RASSF9: variants seen among roughly 807,000 people sequenced by gnomAD.
The protein encoded by RASSF9 is Ras association domain family member 9, also known as ras association domain-containing protein 9.
RASSF9 carries 18 observed loss-of-function variants against 21.4 expected under a neutral mutation model. That is an observed-to-expected ratio of 0.84 (90% CI 0.58 to 1.25). RASSF9 has a LOEUF of 1.25. Ranked by LOEUF, RASSF9 falls within the 50% of genes most tolerant of loss-of-function variation. The pLI is 0.00. For synonymous variants in RASSF9, 183 were observed against 179.1 expected (o/e 1.02, Z -0.18); for missense variants, 480 against 503.2 (o/e 0.95, Z 0.44).
chr12:85,825,631 G>T (rs957128217), intron 1 of RASSF9, among the ~76,000 whole-genome samples: 3 of 152,064 alleles, frequency 2.0e-5, no homozygotes, highest in Non-Finnish European at 4.4e-5. Context: ...TACACAAAAA[G>T]TTTGACAACT....
rs1879682216 is a variant in RASSF9, at chr12:85,800,747, T to C, written c.*3955A>G. The stretch of plus-strand genomic sequence containing the variant: ...TTATTATTTTGGATCAGTTACAACA[T>C]GATAAAATGATATATACTTAATATT... On this transcript the variant is annotated 3_prime_UTR_variant, in exon 2 of 2. Transcript: ENST00000361228. The C allele has an allele frequency of 6.6e-6, 1 of 151,846 alleles. No individual in the cohort carries two copies. The highest frequency in any genetic ancestry group is 6.6e-5 in the Admixed American group (1 of 15,244). The allele number at this position is 151,846 out of a possible 1,614,324, so 9.4% of individuals were successfully genotyped here. A position where few individuals can be genotyped will look rare whatever the true frequency, so the allele number is the denominator to read the frequency against.
intron 1 of RASSF9, among the ~76,000 whole-genome samples, chr12:85,827,212 T>G (rs1880353000): frequency 6.6e-6 from 1 of 152,174 alleles, no homozygotes; most frequent in Admixed American, 6.5e-5. Flanking sequence ...CCCAACATCT[T>G]CTGTTTGACA....
chr12:85,806,498 C>A (rs757278375), intron 1 of RASSF9, among the ~76,000 whole-genome samples: 21 of 150,086 alleles, frequency 1.4e-4, no homozygotes, highest in Non-Finnish European at 2.8e-4. Flanking sequence ...CATGGATAAA[C>A]CCCGTCTCTA....
At chr12:85,812,108 T>C (rs1879967163) in intron 1 of RASSF9, among the ~76,000 whole-genome samples, 1 of 151,700 alleles carries the variant, frequency 6.6e-6, no homozygotes, top group Non-Finnish European at 1.5e-5. Flanking sequence ...CAATTATCTT[T>C]TTAGTTATTG....
At chr12:85,823,960 G>C (rs1304835857) in intron 1 of RASSF9, among the ~76,000 whole-genome samples, 1 of 152,160 alleles carries the variant, frequency 6.6e-6, no homozygotes, top group East Asian at 1.9e-4. Flanking sequence ...CATCCCCTAG[G>C]TTTTCGACTG....
chr12:85,825,799 C>G (rs1182747657), intron 1 of RASSF9, among the ~76,000 whole-genome samples: 6 of 151,964 alleles, frequency 3.9e-5, no homozygotes, highest in Non-Finnish European at 8.8e-5. Context: ...CACACACACA[C>G]ACACACACAC....
In RASSF9 at chr12:85,805,644, T is replaced by A; in HGVS notation, c.366A>T (p.Pro122=). 1 of 1,614,022 alleles carries A rather than the reference T, an allele frequency of 6.2e-7. No homozygotes were observed. The part of the protein sequence containing the change: ...FVLVKADAFL[P]VPLWRTAEAK... Reference sequence around the variant, plus strand: ...CTTCAGCTGTCCGCCACAAAGGAACTGGAAGAAAAGCATCTGCTTTAACCA... The same window carrying A: ...CTTCAGCTGTCCGCCACAAAGGAACAGGAAGAAAAGCATCTGCTTTAACCA... The change falls in exon 2 of 2, where the codon CCA becomes CCT. Residue 122 remains proline, a synonymous_variant. Coordinates refer to ENST00000361228, the MANE Select transcript of RASSF9 (RefSeq NM_005447.4).
rs563285024 is a variant in RASSF9 at position 85,808,694 on chromosome 12, A to C, written c.48-2732T>G. ...TGTGCATGCAATATCCAAAATTAGT[A>C]TAACATTTTTTGTACCACATAGAGT... On this transcript the variant is annotated intron_variant, in intron 1 of 1. Coordinates refer to ENST00000361228, the MANE Select transcript of RASSF9 (RefSeq NM_005447.4). Among the ~76,000 whole-genome samples the C allele has an allele frequency of 3.3e-5, 5 of 151,524 alleles. No homozygotes were observed. The South Asian group carries it at 6.2e-4, about 19-fold the overall frequency.
chr12:85,804,195 C>T lies in RASSF9; in HGVS notation c.*507G>A, dbSNP rs73176558. The T allele has an allele frequency of 0.13, 19,274 of 153,020 alleles. 1,390 individuals are homozygous for T. The highest frequency in any genetic ancestry group is 0.16 in the Non-Finnish European group (11,252 of 68,680). The allele number at this position is 153,020 out of a possible 1,614,324, so 9.5% of individuals were successfully genotyped here. A position where few individuals can be genotyped will look rare whatever the true frequency, so the allele number is the denominator to read the frequency against. The stretch of plus-strand genomic sequence containing the variant: ...GGTTCAGGAAGTGATATACATGATA[C>T]GTTGTATTATCAAGGATCAATTAAA... On this transcript the variant is annotated 3_prime_UTR_variant, in exon 2 of 2. Transcript: ENST00000361228.
At chr12:85,815,106 G>A (rs768825173) in intron 1 of RASSF9, among the ~76,000 whole-genome samples, 1 of 151,696 alleles carries the variant, frequency 6.6e-6, no homozygotes, top group Non-Finnish European at 1.5e-5. Context: ...AGGTGGCCAA[G>A]AAATTATTTG....
At position 85,805,423 on chromosome 12, in the gene RASSF9, G is replaced by C. The variant is rs769769004; in HGVS notation, c.587C>G (p.Thr196Ser). 2.0e-5 allele frequency: 32 copies of C among 1,613,776 alleles called. No individual in the cohort carries two copies. In the East Asian group the frequency reaches 7.1e-4, roughly 36 times the overall value. ...LVHLIISQDH[T>S]IHQQVKRMKE... ...CATTCTCTTGACTTGCTGATGAATAGTATGGTCCTGGGAAATGATCAGATG... is the reference window on the plus strand; with the variant it reads ...CATTCTCTTGACTTGCTGATGAATACTATGGTCCTGGGAAATGATCAGATG... The change falls in exon 2 of 2, where the codon ACT (threonine) becomes AGT (serine). Residue 196 changes from threonine (T) to serine (S), a missense_variant. Thr to Ser is a moderately conservative substitution (Grantham distance 58). Coordinates refer to ENST00000361228, the MANE Select transcript of RASSF9 (RefSeq NM_005447.4).
chr12:85,802,257 C>T lies in RASSF9; in HGVS notation c.*2445G>A, dbSNP rs956910533. On this transcript the variant is annotated 3_prime_UTR_variant, in exon 2 of 2. Transcript: ENST00000361228. ...TCTATACTTATAATTCCAATTCTCA[C>T]TTAATTTAATAACAAATAGTTCAGT... is the stretch of plus-strand genomic sequence containing the variant. 1 of 152,158 alleles carries T rather than the reference C, an allele frequency of 6.6e-6. No homozygotes were observed. The highest frequency in any genetic ancestry group is 1.5e-5 in the Non-Finnish European group (1 of 68,022). The allele number at this position is 152,158 out of a possible 1,614,324, so 9.4% of individuals were successfully genotyped here. A position where few individuals can be genotyped will look rare whatever the true frequency, so the allele number is the denominator to read the frequency against.
Position 85,813,244 on chromosome 12 carries a change from A to C in RASSF9, c.48-7282T>G, listed in dbSNP as rs1038018504. On this transcript the variant is annotated intron_variant, in intron 1 of 1. Coordinates refer to ENST00000361228, the MANE Select transcript of RASSF9 (RefSeq NM_005447.4). ...ATATTCATTCTGAAATATTAGTGAA[A>C]AATTGAATATGAAACTTTTTACATT... Among the ~76,000 whole-genome samples the C allele has an allele frequency of 3.3e-5, 5 of 152,004 alleles. No individual in the cohort carries two copies. The South Asian group carries it at 1.0e-3, about 32-fold the overall frequency.
rs1378397352 is a variant in RASSF9, at chr12:85,801,938, A to T, written c.*2764T>A. ...ACCTCTAAAATATTTCTGGGTTCAG[A>T]GATGAGATTCCAACTAATTGAATGG... On this transcript the variant is annotated 3_prime_UTR_variant, in exon 2 of 2. Transcript: ENST00000361228. 2 of 152,278 alleles carry T rather than the reference A, an allele frequency of 1.3e-5. No individual in the cohort carries two copies. The highest frequency in any genetic ancestry group is 4.8e-5 in the African/African-American group (2 of 41,474). 9.4% of individuals were successfully genotyped at this position (152,278 alleles called of 1,614,324 possible).
At chr12:85,834,862 C>T (rs1172269430) in intron 1 of RASSF9, among the ~76,000 whole-genome samples, 1 of 152,044 alleles carries the variant, frequency 6.6e-6, no homozygotes, top group Non-Finnish European at 1.5e-5. Context: ...CATCAAAACA[C>T]AAATTTTAAA....
Position 85,805,590 on chromosome 12 carries a change from C to T in RASSF9, c.420G>A (p.Leu140=), listed in dbSNP as rs750514652. The change falls in exon 2 of 2, where the codon TTG becomes TTA. Residue 140 remains leucine, a synonymous_variant. Transcript: ENST00000361228. Reference sequence around the variant, plus strand: ...TGTAGTTTGCTGGGCTGAGCTCCCACAATTTTTCTGTGTTTTGCACTAATT... The same window carrying T: ...TGTAGTTTGCTGGGCTGAGCTCCCATAATTTTTCTGTGTTTTGCACTAATT... ...EAKLVQNTEK[L]WELSPANYMK... 1 of 1,613,930 alleles carries T rather than the reference C, an allele frequency of 6.2e-7. No individual in the cohort carries two copies. The highest frequency in any genetic ancestry group is 8.5e-7 in the Non-Finnish European group (1 of 1,179,888).
chr12:85,805,535 T>C lies in RASSF9; in HGVS notation c.475A>G (p.Arg159Gly), dbSNP rs1476964111. 1 of 1,613,840 alleles carries C rather than the reference T, an allele frequency of 6.2e-7. No homozygotes were observed. Among genetic ancestry groups the C allele is most frequent in the African/African-American group, 1.3e-5 (1 of 74,936 alleles). The change falls in exon 2 of 2, where the codon AGA becomes GGA. Residue 159 changes from arginine (R) to glycine (G), a missense_variant. Arg to Gly is a moderately radical substitution (Grantham distance 125). Coordinates refer to ENST00000361228, the MANE Select transcript of RASSF9 (RefSeq NM_005447.4). Reference sequence around the variant, plus strand: ...TTCCGGAAAGTTTTCCTGACTATTCTTTTTTGTTTATCTGGTGGTAAAGTC... The same window carrying C: ...TTCCGGAAAGTTTTCCTGACTATTCCTTTTTGTTTATCTGGTGGTAAAGTC... ...MKTLPPDKQK[R>G]IVRKTFRKLA...
intron 1 of RASSF9, among the ~76,000 whole-genome samples, chr12:85,819,608 C>G (rs1315611198): frequency 1.3e-5 from 2 of 152,100 alleles, no homozygotes; most frequent in Non-Finnish European, 2.9e-5. Context: ...TGAATAAGTA[C>G]AGACAGATCA....
In RASSF9 at chr12:85,825,938, T is replaced by C. The variant is rs1880323862; in HGVS notation, c.47+10217A>G. On this transcript the variant is annotated intron_variant, in intron 1 of 1. Coordinates refer to ENST00000361228, the MANE Select transcript of RASSF9 (RefSeq NM_005447.4). ...CTGACTGTGATTAATATAAGATTAGTCAGCCTGACAGCCCTGACTGGGAAA... is the reference window on the plus strand; with the variant it reads ...CTGACTGTGATTAATATAAGATTAGCCAGCCTGACAGCCCTGACTGGGAAA... 3.3e-5 allele frequency among the ~76,000 whole-genome samples: 5 copies of C among 152,280 alleles called. No homozygotes were observed. The South Asian group carries it at 1.0e-3, about 32-fold the overall frequency.
Sources: gnomAD v4.1 joint callset for allele counts (sites outside exome capture counted in the v4.1 genomes callset) on GRCh38, gnomAD v4.1.1 for gene constraint, MANE v1.5 for transcripts, NCBI Gene and HGNC (gene_info 2026-07-23, HGNC 2026-07-21) for gene names.